The following FAM135A variants were observed in gnomAD, a reference collection of about 807,000 sequenced individuals.
FAM135A encodes the protein protein FAM135A.
A neutral mutation model predicts 146.8 loss-of-function variants in FAM135A; 79 were observed. That is an observed-to-expected ratio of 0.54 (90% confidence interval 0.45 to 0.65). FAM135A has a LOEUF of 0.65. FAM135A is among the 30% of genes least tolerant of loss of function. The probability of loss-of-function intolerance (pLI) is 0.00; values close to 1 mark genes in which losing one functional copy is unlikely to be tolerated. For synonymous variants in FAM135A, 562 were observed against 603.6 expected (o/e 0.93, Z 1.01); for missense variants, 1,623 against 1,758.2 (o/e 0.92, Z 1.38).
chr6:70,482,891 T>C (rs1416332328), intron 10 of FAM135A, among the ~76,000 whole-genome samples: 4 of 151,578 alleles, frequency 2.6e-5, no homozygotes, highest in Non-Finnish European at 4.4e-5. Context: ...TAATAGCTTA[T>C]AAAAATATAT....
At chr6:70,446,409 T>C (rs528356222) in intron 4 of FAM135A, among the ~76,000 whole-genome samples, 16 of 152,332 alleles carry the variant, frequency 1.1e-4, no homozygotes, top group African/African-American at 3.4e-4. Context: ...GACCGTGGCA[T>C]GCAGACTGAG....
chr6:70,551,689 CA>C (rs779512517), intron 20 of FAM135A, among the ~76,000 whole-genome samples: 51 of 152,122 alleles, frequency 3.4e-4, no homozygotes, highest in Non-Finnish European at 4.7e-4. Flanking sequence ...GGTTATTGAT[CA>C]GTCCACTTCC....
chr6:70,443,207 C>T (rs1452075181), intron 4 of FAM135A, among the ~76,000 whole-genome samples: 1 of 152,162 alleles, frequency 6.6e-6, no homozygotes, highest in Admixed American at 6.5e-5. Flanking sequence ...TCATATTACA[C>T]CCATGTGCCA....
intron 5 of FAM135A, among the ~76,000 whole-genome samples, chr6:70,471,796 A>T (rs1781672709): frequency 6.6e-6 from 1 of 152,144 alleles, no homozygotes; most frequent in Non-Finnish European, 1.5e-5. Flanking sequence ...AAGTCTGGAG[A>T]ATGATCACAG....
At chr6:70,477,626 A>T (rs957349301) in intron 8 of FAM135A, among the ~76,000 whole-genome samples, 2 of 152,124 alleles carry the variant, frequency 1.3e-5, no homozygotes, top group African/African-American at 4.8e-5. Context: ...CTCACTCACT[A>T]TCATGAGGAC....
At chr6:70,515,255 C>A (rs1791929263) in intron 12 of FAM135A, among the ~76,000 whole-genome samples, 1 of 152,178 alleles carries the variant, frequency 6.6e-6, no homozygotes, top group East Asian at 1.9e-4. Context: ...AGCTATCACA[C>A]CGCTTGGTGT....
intron 12 of FAM135A, among the ~76,000 whole-genome samples, chr6:70,509,582 T>A (rs920276364): frequency 1.3e-5 from 2 of 152,218 alleles, no homozygotes; most frequent in African/African-American, 4.8e-5. Flanking sequence ...AGTAATTTAT[T>A]TATATTTTTA....
rs60954115 is a variant in FAM135A at position 70,531,531 on chromosome 6, A to G, written c.3776-1629A>G. ...AAAGTTTGTTCAACTTTAATTTTTCAGTCAGAATTCTGTAGGCTGAACCAA... is the reference window on the plus strand; with the variant it reads ...AAAGTTTGTTCAACTTTAATTTTTCGGTCAGAATTCTGTAGGCTGAACCAA... On this transcript the variant is annotated intron_variant, in intron 16 of 21. Transcript: ENST00000418814. Among the ~76,000 whole-genome samples, 615 of 152,338 alleles carry G rather than the reference A, an allele frequency of 4.0e-3. 3 individuals are homozygous for G. Among genetic ancestry groups the G allele is most frequent in the African/African-American group, 0.014 (595 of 41,578 alleles).
chr6:70,552,100 TA>T (rs1799924911), intron 20 of FAM135A, among the ~76,000 whole-genome samples: 3 of 152,186 alleles, frequency 2.0e-5, no homozygotes, highest in Admixed American at 2.0e-4. Flanking sequence ...CTGATTGCTT[TA>T]AAAATATTGA....
rs200466981 is a variant in FAM135A, at chr6:70,502,768, G to A, written c.1006G>A (p.Ala336Thr). Residue 336 changes from alanine (A) to threonine (T), a missense_variant, in exon 12 of 22, where the codon GCA becomes ACA. By Grantham distance (58) the Ala-to-Thr change is moderately conservative. Around this residue, in one of 7 missense-constraint regions of FAM135A, gnomAD observed 206 missense variants for 194.7 expected, o/e 1.06. Coordinates refer to ENST00000418814, the MANE Select transcript of FAM135A (RefSeq NM_001162529.3). ...ACACGAAGAACTAAGAATATTATTA[G>A]CACAAGAGCACCATACTTTGAGGGT... ...TLHEELRILL[A>T]QEHHTLRVRR... The A allele has an allele frequency of 6.2e-6, 10 of 1,611,856 alleles. No homozygotes were observed. The highest frequency in any genetic ancestry group is 8.5e-6 in the Non-Finnish European group (10 of 1,178,798).
intron 5 of FAM135A, among the ~76,000 whole-genome samples, chr6:70,461,207 A>C (rs927821123): frequency 7.9e-5 from 12 of 152,162 alleles, no homozygotes; most frequent in Admixed American, 7.9e-4. Context: ...AGTGACTTGG[A>C]ATCAGGAGTC....
intron 1 of FAM135A, among the ~76,000 whole-genome samples, chr6:70,414,486 A>AT (rs1273277257): frequency 6.7e-6 from 1 of 149,560 alleles, no homozygotes; most frequent in East Asian, 2.0e-4. Flanking sequence ...TCTAATCTTA[A>AT]TTTTTTCCCC....
Position 70,549,760 on chromosome 6 carries a change from C to T in FAM135A, c.4229-6990C>T, listed in dbSNP as rs537539495. Reference sequence around the variant, plus strand: ...GTGGCTATGGCAATTTCTTAAATTACAACAACGAGGTTTGCTGTATTATTG... The same window carrying T: ...GTGGCTATGGCAATTTCTTAAATTATAACAACGAGGTTTGCTGTATTATTG... On this transcript the variant is annotated intron_variant, in intron 20 of 21. Coordinates refer to ENST00000418814, the MANE Select transcript of FAM135A (RefSeq NM_001162529.3). 2.0e-5 allele frequency among the ~76,000 whole-genome samples: 3 copies of T among 152,244 alleles called. No individual in the cohort carries two copies. In the East Asian group the frequency reaches 5.8e-4, roughly 29 times the overall value.
chr6:70,556,317 G>C (rs1053580834), intron 20 of FAM135A, among the ~76,000 whole-genome samples: 10 of 152,088 alleles, frequency 6.6e-5, no homozygotes, highest in African/African-American at 1.9e-4. Context: ...AAAATGAAAA[G>C]AAAGTAAAAA....
intron 2 of FAM135A, among the ~76,000 whole-genome samples, chr6:70,417,272 T>C (rs919878571): frequency 6.6e-6 from 1 of 152,044 alleles, no homozygotes; most frequent in Non-Finnish European, 1.5e-5. Context: ...TTTTTTTTTT[T>C]TTGACAGAGT....
At chr6:70,436,266 A>G (rs1452168508) in intron 4 of FAM135A, among the ~76,000 whole-genome samples, 4 of 152,052 alleles carry the variant, frequency 2.6e-5, no homozygotes. Context: ...ACTACCTCAA[A>G]TTTTTCATAA....
intron 4 of FAM135A, among the ~76,000 whole-genome samples, chr6:70,436,067 C>A (rs367595098): frequency 6.6e-6 from 1 of 151,890 alleles, no homozygotes; most frequent in South Asian, 2.1e-4. Flanking sequence ...GCCTGCAGTC[C>A]CAACTACTTG....
At position 70,524,529 on chromosome 6, in the gene FAM135A, G is replaced by C. The variant is rs1582748246; in HGVS notation, c.1445G>C (p.Gly482Ala). The C allele has an allele frequency of 1.3e-6, 2 of 1,550,908 alleles. No individual in the cohort carries two copies. The highest frequency in any genetic ancestry group is 4.9e-5 in the East Asian group (2 of 40,902). Reference protein sequence around the residue: ...GEKQLTKSLKGKNEESNKSKV... With the variant: ...GEKQLTKSLKAKNEESNKSKV... ...AAGCAGCTAACAAAATCTCTAAAAG[G>C]AAAGAATGAAGAATCAAATAAATCC... The change falls in exon 15 of 22, where the codon GGA (glycine) becomes GCA (alanine). Residue 482 changes from glycine to alanine, a missense_variant. Gly to Ala is a moderately conservative substitution (Grantham distance 60, BLOSUM62 0). Transcript: ENST00000418814.
At position 70,445,849 on chromosome 6, in the gene FAM135A, C is replaced by CG. The variant is rs562162051; in HGVS notation, c.78-6635dup. Among the ~76,000 whole-genome samples, 1,449 of 151,376 alleles carry CG rather than the reference C, an allele frequency of 9.6e-3. 8 individuals carry two copies. Among genetic ancestry groups the CG allele is most frequent in the Non-Finnish European group, 0.011 (758 of 67,840 alleles). ...GCCAGTTTAATGGCCAGATTCGGGG[C>CG]GGGGGGGGCTGTTCCCAACATATCC... On this transcript the variant is annotated intron_variant, in intron 4 of 21. Coordinates refer to ENST00000418814, the MANE Select transcript of FAM135A (RefSeq NM_001162529.3).
Sources: gnomAD v4.1 joint callset for allele counts (sites outside exome capture counted in the v4.1 genomes callset) on GRCh38, gnomAD v4.1.1 for gene constraint, gnomAD v4.1.1 regional missense constraint, MANE v1.5 for transcripts, NCBI Gene and HGNC (gene_info 2026-07-23, HGNC 2026-07-21) for gene names.